The following GOLM1 variants were observed in gnomAD, a reference collection of about 807,000 sequenced individuals.
GOLM1 encodes golgi membrane protein 1, also known as epididymis luminal protein 46.
GOLM1 carries 31 observed loss-of-function variants against 50.5 expected under a neutral mutation model. The ratio of observed to expected loss-of-function variants is 0.61; its 90% CI spans 0.46 to 0.83. The LOEUF (loss-of-function observed/expected upper bound fraction) is 0.83, where lower values mean the gene tolerates loss of function less well. Ranked by LOEUF, GOLM1 falls within the 40% of genes least tolerant of loss-of-function variation. The probability of loss-of-function intolerance (pLI) is 0.00; values close to 1 mark genes in which losing one functional copy is unlikely to be tolerated. For missense variants in GOLM1, 491 were observed against 501.3 expected, an observed-to-expected ratio of 0.98 and a Z score of 0.20; for synonymous variants, 178 against 192.8, an observed-to-expected ratio of 0.92 and a Z score of 0.64.
intron 3 of GOLM1, among the ~76,000 whole-genome samples, chr9:86,070,630 C>T (rs1048447228): frequency 4.6e-5 from 7 of 152,064 alleles, no homozygotes; most frequent in Non-Finnish European, 2.9e-5. Flanking sequence ...ATCTCATCTT[C>T]CTCCAAAACA....
chr9:86,073,345 T>G (rs1374117735), intron 3 of GOLM1, among the ~76,000 whole-genome samples: 1 of 152,210 alleles, frequency 6.6e-6, no homozygotes, highest in East Asian at 1.9e-4. Context: ...TTTTAATCTG[T>G]ATTTTGTTCA....
intron 1 of GOLM1, among the ~76,000 whole-genome samples, chr9:86,086,230 G>A (rs1834956720): frequency 6.6e-6 from 1 of 152,180 alleles, no homozygotes; most frequent in Admixed American, 6.5e-5. Flanking sequence ...CAATGATGAT[G>A]ATCTTTTGTT....
intron 5 of GOLM1, among the ~76,000 whole-genome samples, chr9:86,041,927 C>T (rs1009462611): frequency 3.3e-5 from 5 of 152,166 alleles, no homozygotes; most frequent in Admixed American, 6.5e-5. Context: ...AGCATCCTGG[C>T]TAACACGGTG....
rs554462928 is a variant in GOLM1 at position 86,056,148 on chromosome 9, A to G, written c.310-3557T>C. On this transcript the variant is annotated intron_variant, in intron 3 of 9. Transcript: ENST00000388712. ...TCCCCTTAGCTCCCCTCCCGACCCA[A>G]ATCACATTAGTGCTTACAACTATCT... Among the ~76,000 whole-genome samples the G allele has an allele frequency of 1.7e-3, 258 of 152,208 alleles. 2 individuals carry two copies. The highest frequency in any genetic ancestry group is 5.6e-3 in the African/African-American group (232 of 41,530).
In GOLM1 at chr9:86,053,422, C is replaced by A. The variant is rs529263284; in HGVS notation, c.310-831G>T. On this transcript the variant is annotated intron_variant, in intron 3 of 9. Coordinates refer to ENST00000388712, the MANE Select transcript of GOLM1 (RefSeq NM_016548.4). Reference sequence around the variant, plus strand: ...TCCACACCACACACTTCACACCAAACCACACCACACCACACACCATTCCAT... The same window carrying A: ...TCCACACCACACACTTCACACCAAAACACACCACACCACACACCATTCCAT... Among the ~76,000 whole-genome samples the A allele has an allele frequency of 7.1e-4, 8 of 11,232 alleles. No individual in the cohort carries two copies. In the South Asian group the frequency reaches 0.014, roughly 20 times the overall value. The allele number at this position is 11,232 out of a possible 152,430, so 7.4% of individuals were successfully genotyped here. A position where few individuals can be genotyped will look rare whatever the true frequency, so the allele number is the denominator to read the frequency against.
rs368498670 is a variant in GOLM1, at chr9:86,040,912, G to C, written c.468-44C>G. On this transcript the variant is annotated intron_variant, in intron 5 of 9. Coordinates refer to ENST00000388712, the MANE Select transcript of GOLM1 (RefSeq NM_016548.4). ...AAGGAAGGGCCTGACGTCTATGACT[G>C]TGTCTCTGCTGGACGGTGACATCCA... 4 of 1,597,510 alleles carry C rather than the reference G, an allele frequency of 2.5e-6. No individual in the cohort carries two copies. In the African/African-American group the frequency reaches 5.4e-5, roughly 22 times the overall value.
intron 1 of GOLM1, among the ~76,000 whole-genome samples, chr9:86,094,464 C>A (rs1455629316): frequency 6.6e-6 from 1 of 152,234 alleles, no homozygotes; most frequent in Non-Finnish European, 1.5e-5. Context: ...TGAACACCAT[C>A]TTTTCCCCAA....
At position 86,027,176 on chromosome 9, in the gene GOLM1, AAAAATGACAAGGGTT is replaced by A. The variant is rs546420115; in HGVS notation, c.*626_*640del. 219 of 984,970 alleles carry A rather than the reference AAAAATGACAAGGGTT, an allele frequency of 2.2e-4. 2 individuals are homozygous for A. In the East Asian group the frequency reaches 0.016, roughly 72 times the overall value. The allele number at this position is 984,970 out of a possible 1,614,324, so 61.0% of individuals were successfully genotyped here. ...GCCACTTAATAGCGTTTTGTACATT[AAAAATGACAAGGGTT>A]ATTATACAAGTAGCCTTTTAAAAAA... is the stretch of plus-strand genomic sequence containing the variant. On this transcript the variant is annotated 3_prime_UTR_variant, in exon 10 of 10. Transcript: ENST00000388712.
At position 86,095,666 on chromosome 9, in the gene GOLM1, C is replaced by T. The variant is rs193161593; in HGVS notation, c.-22+3745G>A. ...CTGGCTGCCTGGAAGATTATGCGCGCGTGGGAAAGACCCAAAAGAGCCCAG... is the reference window on the plus strand; with the variant it reads ...CTGGCTGCCTGGAAGATTATGCGCGTGTGGGAAAGACCCAAAAGAGCCCAG... On this transcript the variant is annotated intron_variant, in intron 1 of 9. Coordinates refer to ENST00000388712, the MANE Select transcript of GOLM1 (RefSeq NM_016548.4). 5.8e-4 allele frequency among the ~76,000 whole-genome samples: 88 copies of T among 152,228 alleles called. No homozygotes were observed. In the East Asian group the frequency reaches 0.011, roughly 19 times the overall value.
chr9:86,084,589 C>T (rs1256008431), intron 1 of GOLM1, among the ~76,000 whole-genome samples: 2 of 152,124 alleles, frequency 1.3e-5, no homozygotes, highest in Non-Finnish European at 2.9e-5. Context: ...TAAGGGGAAA[C>T]AGGGTAAAGG....
intron 6 of GOLM1, among the ~76,000 whole-genome samples, chr9:86,039,263 C>CA (rs1372936736): frequency 6.6e-6 from 1 of 152,146 alleles, no homozygotes; most frequent in Non-Finnish European, 1.5e-5. Context: ...GCTGCCACTC[C>CA]ACACCTGCTA....
intron 2 of GOLM1, chr9:86,077,793 T>C (rs1834664363): frequency 1.8e-6 from 1 of 551,392 alleles, no homozygotes. Context: ...TCAGTGTAAG[T>C]GAAGGAAGGC....
At chr9:86,090,461 G>A (rs1017733595) in intron 1 of GOLM1, among the ~76,000 whole-genome samples, 1 of 152,154 alleles carries the variant, frequency 6.6e-6, no homozygotes, top group African/African-American at 2.4e-5. Flanking sequence ...ATCTAGAGAG[G>A]CAGTCTGGCC....
chr9:86,041,123 A>G (rs185425200), intron 5 of GOLM1, among the ~76,000 whole-genome samples: 207 of 152,288 alleles, frequency 1.4e-3, no homozygotes, highest in Non-Finnish European at 2.1e-3. Flanking sequence ...TTTTTAACAT[A>G]CAATCTGTAG....
chr9:86,058,208 G>T (rs1374800357), intron 3 of GOLM1, among the ~76,000 whole-genome samples: 3 of 152,158 alleles, frequency 2.0e-5, no homozygotes, highest in Non-Finnish European at 4.4e-5. Flanking sequence ...TAAAATGTCA[G>T]TTGTACCCGG....
chr9:86,068,977 T>G (rs1273380258), intron 3 of GOLM1, among the ~76,000 whole-genome samples: 1 of 68,204 alleles, frequency 1.5e-5, no homozygotes, highest in Non-Finnish European at 2.6e-5. Flanking sequence ...AATGTCTGGG[T>G]TTTTTTTTTT....
At chr9:86,066,569 T>C (rs961684817) in intron 3 of GOLM1, among the ~76,000 whole-genome samples, 3 of 152,224 alleles carry the variant, frequency 2.0e-5, no homozygotes, top group African/African-American at 7.2e-5. Context: ...TGCTAAAACA[T>C]TACCTTTGCA....
intron 1 of GOLM1, among the ~76,000 whole-genome samples, chr9:86,082,868 A>G (rs138864708): frequency 2.0e-4 from 31 of 152,362 alleles, no homozygotes; most frequent in African/African-American, 7.0e-4. Flanking sequence ...TATAAGCATC[A>G]ATATATTTAT....
chr9:86,063,075 G>A (rs1034894648), intron 3 of GOLM1, among the ~76,000 whole-genome samples: 8 of 152,208 alleles, frequency 5.3e-5, no homozygotes, highest in African/African-American at 1.9e-4. Flanking sequence ...GAACACTTAA[G>A]GAGATGGCAG....
Sources: allele counts gnomAD v4.1 joint callset (sites outside exome capture counted in the v4.1 genomes callset), GRCh38; gene constraint gnomAD v4.1.1; transcripts MANE v1.5; gene names NCBI Gene and HGNC (gene_info 2026-07-23, HGNC 2026-07-21).